The following DCAF8L2 variants were observed in gnomAD, a reference collection of about 807,000 sequenced individuals.
DCAF8L2 encodes the protein DDB1 and CUL4 associated factor 8 like 2.
For synonymous variants in DCAF8L2, 200 were observed against 190.9 expected (o/e 1.05, Z -0.39); for missense variants, 430 against 490.7 (o/e 0.88, Z 1.17).
chrX:27,487,165 T>A, the DCAF8L2 span, among the ~76,000 whole-genome samples: 1 of 112,510 alleles, frequency 8.9e-6, no homozygotes, highest in Non-Finnish European at 1.9e-5. Context: ...TACAGTGTAC[T>A]CATTTTGCTA....
the DCAF8L2 span, among the ~76,000 whole-genome samples, chrX:27,556,088 G>C: frequency 5.4e-5 from 6 of 111,494 alleles, no homozygotes; most frequent in East Asian, 1.1e-3. Context: ...CTTCTCCAAT[G>C]AAGTCTGCAT....
the DCAF8L2 span, chrX:27,517,869 G>A: frequency 9.2e-7 from 1 of 1,090,870 alleles, no homozygotes; most frequent in Non-Finnish European, 1.3e-6. Context: ...TCAGCATGAA[G>A]AACATCATTT....
chrX:27,641,659 A>G (rs1928729316), intron 2 of DCAF8L2, among the ~76,000 whole-genome samples: 1 of 108,463 alleles, frequency 9.2e-6, no homozygotes, highest in African/African-American at 3.4e-5. Flanking sequence ...TTTAGTAGAG[A>G]CGGGGTTTCA....
rs1366320210 is a variant in DCAF8L2 at position 27,735,609 on chromosome X, G to A, written c.-58-11229G>A. Among the ~76,000 whole-genome samples, 3 of 112,066 alleles carry A rather than the reference G, an allele frequency of 2.7e-5. No individual in the cohort carries two copies. In the East Asian group the frequency reaches 8.4e-4, roughly 31 times the overall value. The stretch of plus-strand genomic sequence containing the variant: ...TTGCAAAGTGGGAGGATGGTGACAG[G>A]AGACTCGATCAGTTTCTGTAAATAA... On this transcript the variant is annotated intron_variant, in intron 4 of 4. Transcript: ENST00000451261.
At chrX:27,507,733 C>T in the DCAF8L2 span, among the ~76,000 whole-genome samples, 1 of 111,136 alleles carries the variant, frequency 9.0e-6, no homozygotes, top group Non-Finnish European at 1.9e-5. Flanking sequence ...TGACACAATG[C>T]TCTTGATAAA....
chrX:27,602,527 T>C (rs779526909), intron 1 of DCAF8L2, among the ~76,000 whole-genome samples: 11 of 112,021 alleles, frequency 9.8e-5, no homozygotes, highest in Non-Finnish European at 1.3e-4. Flanking sequence ...TCTATGTACC[T>C]TTATTTTATC....
chrX:27,522,789 C>T, the DCAF8L2 span, among the ~76,000 whole-genome samples: 1 of 111,698 alleles, frequency 9.0e-6, no homozygotes, highest in South Asian at 3.7e-4. Flanking sequence ...TAGCATTTTT[C>T]ATTTTATTTC....
At chrX:27,575,789 T>C in the DCAF8L2 span, among the ~76,000 whole-genome samples, 1 of 112,205 alleles carries the variant, frequency 8.9e-6, no homozygotes, top group African/African-American at 3.2e-5. Flanking sequence ...TCATGCTTTG[T>C]TTTTTCCTGT....
chrX:27,525,281 G>A, the DCAF8L2 span, among the ~76,000 whole-genome samples: 1 of 112,051 alleles, frequency 8.9e-6, no homozygotes, highest in African/African-American at 3.2e-5. Flanking sequence ...TTACCATTAT[G>A]TAATGGCCTT....
chrX:27,664,107 T>C (rs751882252), intron 2 of DCAF8L2, among the ~76,000 whole-genome samples: 2 of 110,406 alleles, frequency 1.8e-5, no homozygotes, highest in East Asian at 5.7e-4. Context: ...CTAGAAATGA[T>C]CAAACTTAGT....
chrX:27,555,018 G>A, the DCAF8L2 span, among the ~76,000 whole-genome samples: 2 of 111,358 alleles, frequency 1.8e-5, no homozygotes, highest in Non-Finnish European at 3.8e-5. Flanking sequence ...GAATGAATCA[G>A]CCAATCCCAG....
chrX:27,497,574 TTCTTTCTTCTTTCCAATGAAG>T, the DCAF8L2 span, among the ~76,000 whole-genome samples: 32 of 95,072 alleles, frequency 3.4e-4, no homozygotes, highest in East Asian at 2.8e-3. Context: ...CTTTCTTTCT[TTCTTTCTTCTTTCCAATGAAG>T]TCTCACTCTG....
intron 2 of DCAF8L2, among the ~76,000 whole-genome samples, chrX:27,639,830 G>A (rs1488095851): frequency 4.5e-5 from 5 of 111,555 alleles, no homozygotes; most frequent in Admixed American, 9.5e-5. Context: ...ATTTTTAATC[G>A]TAATACATAT....
At chrX:27,617,764 T>C (rs1927547872) in intron 1 of DCAF8L2, among the ~76,000 whole-genome samples, 1 of 111,648 alleles carries the variant, frequency 9.0e-6, no homozygotes, top group African/African-American at 3.2e-5. Context: ...ATTTAGGGAA[T>C]TTTTAAAAAA....
At chrX:27,652,341 A>G (rs1191175335) in intron 2 of DCAF8L2, among the ~76,000 whole-genome samples, 1 of 111,613 alleles carries the variant, frequency 9.0e-6, no homozygotes, top group Non-Finnish European at 1.9e-5. Flanking sequence ...CTGTTATTTC[A>G]GGAGCTTTGA....
At chrX:27,586,346 A>G (rs182005936), upstream of DCAF8L2, among the ~76,000 whole-genome samples, 1 of 111,855 alleles carries the variant, frequency 8.9e-6, no homozygotes, top group African/African-American at 3.2e-5. Context: ...ATAAAAACCC[A>G]GCGTCAGTAT....
At chrX:27,688,526 T>C (rs1026399099) in intron 3 of DCAF8L2, among the ~76,000 whole-genome samples, 5 of 111,827 alleles carry the variant, frequency 4.5e-5, no homozygotes, top group South Asian at 3.7e-4. Flanking sequence ...AAATAAATAT[T>C]TGCAAAACAT....
At chrX:27,514,466 G>A in the DCAF8L2 span, among the ~76,000 whole-genome samples, 2 of 107,278 alleles carry the variant, frequency 1.9e-5, no homozygotes, top group African/African-American at 3.4e-5. Context: ...TCAGGAGATC[G>A]AGACCATCCC....
At chrX:27,475,267 T>C in the DCAF8L2 span, among the ~76,000 whole-genome samples, 6 of 111,579 alleles carry the variant, frequency 5.4e-5, no homozygotes, top group South Asian at 3.7e-4. Flanking sequence ...TGCAAGGACA[T>C]TTTGATCACC....
Sources: allele counts gnomAD v4.1 joint callset (sites outside exome capture counted in the v4.1 genomes callset), GRCh38; gene constraint gnomAD v4.1.1; transcripts MANE v1.5; gene names NCBI Gene and HGNC (gene_info 2026-07-23, HGNC 2026-07-21).